The following LARGE1 variants were observed in gnomAD, a reference collection of about 807,000 sequenced individuals.
LARGE1 encodes LARGE xylosyl- and glucuronyltransferase 1, also known as xylosyl- and glucuronyltransferase LARGE1.
In LARGE1, 43 loss-of-function variants were observed where a neutral mutation model predicts 87.6. The observed-to-expected ratio is 0.49, with a 90% CI of 0.38 to 0.63. LARGE1 has a LOEUF of 0.63. LARGE1 is among the 30% of genes least tolerant of loss of function. The pLI is 0.00. For synonymous variants in LARGE1, 434 were observed against 394.6 expected, an observed-to-expected ratio of 1.10 and a Z score of -1.18; for missense variants, 802 against 1,000.2, an observed-to-expected ratio of 0.80 and a Z score of 2.67.
chr22:33,419,901 C>T (rs1258759389), intron 7 of LARGE1, among the ~76,000 whole-genome samples: 1 of 152,076 alleles, frequency 6.6e-6, no homozygotes, highest in African/African-American at 2.4e-5. Context: ...ACCATGTTGG[C>T]CAGGCTGGTC....
In LARGE1 at chr22:33,528,767, C is replaced by G. The variant is rs371691394; in HGVS notation, c.787+36081G>C. On this transcript the variant is annotated intron_variant, in intron 6 of 14. Transcript: ENST00000397394. ...CGAGGTATGTTTGACACTGACACCC[C>G]CAACCCATCACGGCCGACAACTTAG... is the stretch of plus-strand genomic sequence containing the variant. Among the ~76,000 whole-genome samples, 21 of 152,268 alleles carry G rather than the reference C, an allele frequency of 1.4e-4. 1 individual carries two copies. The East Asian group carries it at 3.9e-3, about 28-fold the overall frequency.
intron 12 of LARGE1, among the ~76,000 whole-genome samples, chr22:33,293,788 G>A (rs1196013363): frequency 6.6e-6 from 1 of 152,146 alleles, no homozygotes; most frequent in Non-Finnish European, 1.5e-5. Flanking sequence ...ACATGTCACT[G>A]GCTTATACTG....
chr22:33,120,395 TTTCTTTC>T, the LARGE1 span, among the ~76,000 whole-genome samples: 3 of 97,968 alleles, frequency 3.1e-5, no homozygotes, highest in African/African-American at 1.9e-4. Flanking sequence ...TCTTTCTTTC[TTTCTTTC>T]TTTCTTTCCT....
At chr22:33,503,259 G>T (rs201235907) in intron 6 of LARGE1, among the ~76,000 whole-genome samples, 4,385 of 120,700 alleles carry the variant, frequency 0.036, 69 homozygotes, top group African/African-American at 0.09. Flanking sequence ...TTTTTTTTTT[G>T]TTTTTTTTTT....
chr22:33,873,330 G>C (rs138209878), intron 1 of LARGE1: 1 of 152,424 alleles, frequency 6.6e-6, no homozygotes, highest in African/African-American at 2.4e-5. Flanking sequence ...CACGACAAAG[G>C]CACGCCTCGA....
chr22:33,302,430 G>T (rs1037540464), intron 12 of LARGE1, among the ~76,000 whole-genome samples: 16 of 152,146 alleles, frequency 1.1e-4, no homozygotes, highest in African/African-American at 3.1e-4. Context: ...CGCCCCAGGG[G>T]AGGGATTAAC....
intron 1 of LARGE1, among the ~76,000 whole-genome samples, chr22:33,838,764 A>G (rs1448313067): frequency 6.6e-6 from 1 of 152,190 alleles, no homozygotes; most frequent in Non-Finnish European, 1.5e-5. Context: ...TCTTCCTGAG[A>G]TGATGTTCAT....
chr22:33,243,258 T>G lies in LARGE1; in HGVS notation c.1730+60971A>C, dbSNP rs1045444260. Among the ~76,000 whole-genome samples the G allele has an allele frequency of 3.9e-5, 6 of 152,386 alleles. No individual in the cohort carries two copies. The East Asian group carries it at 1.2e-3, about 29-fold the overall frequency. On this transcript the variant is annotated intron_variant, in intron 11 of 11. Transcript: ENST00000608642. ...TTTTAAGTAAAACTTTATTTAGATATAATTTATGTATATTTTAAGTGTACA... is the reference window on the plus strand; with the variant it reads ...TTTTAAGTAAAACTTTATTTAGATAGAATTTATGTATATTTTAAGTGTACA...
intron 2 of LARGE1, among the ~76,000 whole-genome samples, chr22:33,694,102 A>T (rs549757273): frequency 6.6e-6 from 1 of 152,268 alleles, no homozygotes; most frequent in East Asian, 1.9e-4. Context: ...TTTCCTGGTG[A>T]CATTAGCAGC....
At chr22:33,095,589 G>A in the LARGE1 span, among the ~76,000 whole-genome samples, 3 of 152,132 alleles carry the variant, frequency 2.0e-5, no homozygotes, top group Non-Finnish European at 4.4e-5. Context: ...CACAGCACTA[G>A]GCTTTACATG....
chr22:33,226,284 A>G (rs1407902004), intron 11 of LARGE1, among the ~76,000 whole-genome samples: 1 of 152,220 alleles, frequency 6.6e-6, no homozygotes, highest in East Asian at 1.9e-4. Flanking sequence ...CCAGCCTCTC[A>G]GGGCCACTTT....
intron 2 of LARGE1, among the ~76,000 whole-genome samples, chr22:33,711,739 T>C (rs2082736465): frequency 6.6e-6 from 1 of 152,222 alleles, no homozygotes; most frequent in South Asian, 2.1e-4. Context: ...CTCAAACTTC[T>C]GGACTCCAGC....
chr22:33,562,903 G>A (rs1352467110), intron 6 of LARGE1: 2 of 152,618 alleles, frequency 1.3e-5, no homozygotes, highest in Non-Finnish European at 2.9e-5. Flanking sequence ...AAAAGACCCC[G>A]AGATGGATGT....
chr22:33,536,286 G>GA (rs1379348172), intron 6 of LARGE1, among the ~76,000 whole-genome samples: 1 of 152,154 alleles, frequency 6.6e-6, no homozygotes, highest in Non-Finnish European at 1.5e-5. Context: ...AAGTAGATAT[G>GA]AAAAATCATC....
intron 7 of LARGE1, among the ~76,000 whole-genome samples, chr22:33,397,872 A>T (rs1466720409): frequency 6.6e-6 from 1 of 152,110 alleles, no homozygotes; most frequent in Non-Finnish European, 1.5e-5. Flanking sequence ...AACAATATGG[A>T]TTTTAATTTG....
rs184593282 is a variant in LARGE1 at position 33,708,197 on chromosome 22, C to T, written c.106+53174G>A. Reference sequence around the variant, plus strand: ...AGCTTGGCACTGTCGTGAGTCCAGCCTCCACGGACTGAATAGAAGTTAGGA... The same window carrying T: ...AGCTTGGCACTGTCGTGAGTCCAGCTTCCACGGACTGAATAGAAGTTAGGA... On this transcript the variant is annotated intron_variant, in intron 2 of 14. Transcript: ENST00000397394. 1.4e-3 allele frequency among the ~76,000 whole-genome samples: 217 copies of T among 152,072 alleles called. No homozygotes were observed. In the Middle Eastern group the frequency reaches 0.031, roughly 21 times the overall value.
intron 6 of LARGE1, among the ~76,000 whole-genome samples, chr22:33,528,300 T>C (rs2072016645): frequency 6.6e-6 from 1 of 152,202 alleles, no homozygotes; most frequent in Non-Finnish European, 1.5e-5. Context: ...GACTGTAGAC[T>C]CCGTCAGAAA....
intron 6 of LARGE1, among the ~76,000 whole-genome samples, chr22:33,561,016 G>A (rs1024273304): frequency 6.6e-6 from 1 of 152,088 alleles, no homozygotes; most frequent in Non-Finnish European, 1.5e-5. Flanking sequence ...GGGTTTCACC[G>A]TGTTAGCCAG....
At chr22:33,685,491 C>T (rs1027986143) in intron 2 of LARGE1, among the ~76,000 whole-genome samples, 1 of 152,144 alleles carries the variant, frequency 6.6e-6, no homozygotes, top group South Asian at 2.1e-4. Context: ...AAAGCAGATA[C>T]AAGAATAATG....
Sources: allele counts gnomAD v4.1 joint callset (sites outside exome capture counted in the v4.1 genomes callset), GRCh38; gene constraint gnomAD v4.1.1; transcripts MANE v1.5; gene names NCBI Gene and HGNC (gene_info 2026-07-23, HGNC 2026-07-21).